Variants in CAST observed in about 807,000 individuals in gnomAD.
The protein encoded by CAST is calpastatin.
Under a neutral mutation model 119.6 loss-of-function variants are expected in CAST, and 76 were observed. That is an observed-to-expected ratio of 0.64 (90% CI 0.53 to 0.77). CAST has a LOEUF of 0.77. Among genes scored for constraint, CAST ranks in the 30% least tolerant of loss-of-function variants. The pLI, the probability that CAST is intolerant of heterozygous loss-of-function variation, is 0.00. For missense variants in CAST, 953 were observed against 946.5 expected, an observed-to-expected ratio of 1.01 and a Z score of -0.09; for synonymous variants, 319 against 331.6, an observed-to-expected ratio of 0.96 and a Z score of 0.41.
the CAST span, among the ~76,000 whole-genome samples, chr5:96,167,931 C>G: frequency 6.6e-6 from 1 of 152,016 alleles, no homozygotes; most frequent in East Asian, 1.9e-4. Context: ...AGTAGAATAG[C>G]AGATGGAACA....
rs139431689 is a variant in CAST at position 96,729,653 on chromosome 5, C to T, written c.477C>T (p.Asn159=). Residue 159 remains asparagine, a synonymous_variant, in exon 8 of 32, where the codon AAC becomes AAT. Transcript: ENST00000675179. The part of the protein sequence containing the change: ...LPKQASDTGS[N]DAHNKKAVSR... The stretch of plus-strand genomic sequence containing the variant: ...AGCAGGCATCAGATACAGGAAGTAA[C>T]GATGCTCACAATAAAAAAGCAGTTT... The T allele has an allele frequency of 2.6e-4, 414 of 1,600,262 alleles. 1 individual carries two copies. The highest frequency in any genetic ancestry group is 8.0e-4 in the Admixed American group (48 of 59,974).
the CAST span, among the ~76,000 whole-genome samples, chr5:96,189,208 T>A: frequency 6.6e-6 from 1 of 152,238 alleles, no homozygotes; most frequent in Non-Finnish European, 1.5e-5. Context: ...TCTTCATCTT[T>A]CTTGGTTTTC....
chr5:96,384,891 A>G, the CAST span, among the ~76,000 whole-genome samples: 40 of 152,340 alleles, frequency 2.6e-4, no homozygotes, highest in Admixed American at 9.2e-4. Flanking sequence ...CAGTGAAAAA[A>G]TGCAAAAAAC....
At chr5:96,401,565 A>C in the CAST span, among the ~76,000 whole-genome samples, 1 of 152,346 alleles carries the variant, frequency 6.6e-6, no homozygotes, top group East Asian at 1.9e-4. Context: ...TAAATCAGAG[A>C]TATAAGGGAT....
chr5:95,962,379 A>AG, the CAST span, among the ~76,000 whole-genome samples: 2 of 152,250 alleles, frequency 1.3e-5, no homozygotes, highest in Non-Finnish European at 2.9e-5. Flanking sequence ...GGGAGGACGC[A>AG]GCAGGAGGAC....
At chr5:96,491,078 G>T in the CAST span, among the ~76,000 whole-genome samples, 17,644 of 151,942 alleles carry the variant, frequency 0.12, 1,227 homozygotes, top group Non-Finnish European at 0.16. Flanking sequence ...AAGAGCAAAA[G>T]AGGCACTTTA....
the CAST span, among the ~76,000 whole-genome samples, chr5:96,306,414 C>CT: frequency 1.3e-5 from 2 of 151,802 alleles, no homozygotes; most frequent in Non-Finnish European, 2.9e-5. Flanking sequence ...GCCTCACTGA[C>CT]TTTTTTTGAA....
chr5:96,617,605 C>T lies in CAST; in HGVS notation c.61-57934C>T, dbSNP rs1335913401. Among the ~76,000 whole-genome samples, 16 of 151,486 alleles carry T rather than the reference C, an allele frequency of 1.1e-4. 1 individual carries two copies. Among genetic ancestry groups the T allele is most frequent in the Admixed American group, 3.3e-4 (5 of 15,236 alleles). On this transcript the variant is annotated intron_variant, in intron 1 of 11. Transcript: ENST00000505143. Reference sequence around the variant, plus strand: ...GAGATCGAGACCATCCTGGCTAACACAGTGAAACCCCGTCTCTACTAAAAA... The same window carrying T: ...GAGATCGAGACCATCCTGGCTAACATAGTGAAACCCCGTCTCTACTAAAAA...
At chr5:96,619,521 C>A (rs73134535) in intron 1 of CAST, among the ~76,000 whole-genome samples, 3 of 152,286 alleles carry the variant, frequency 2.0e-5, no homozygotes, top group Admixed American at 2.0e-4. Flanking sequence ...CCTGCTGGGT[C>A]CTCTTCCACA....
intron 16 of CAST, among the ~76,000 whole-genome samples, chr5:96,746,045 A>T (rs1182411913): frequency 1.3e-5 from 2 of 152,256 alleles, no homozygotes; most frequent in African/African-American, 4.8e-5. Context: ...CACATTTTAC[A>T]GCTGAAGAAA....
the CAST span, among the ~76,000 whole-genome samples, chr5:96,424,633 A>G: frequency 6.6e-6 from 1 of 152,180 alleles, no homozygotes. Flanking sequence ...GTGTTAACTG[A>G]TAAGTCTCTT....
chr5:96,393,455 A>C, the CAST span: 1 of 1,537,354 alleles, frequency 6.5e-7, no homozygotes, highest in Non-Finnish European at 9.0e-7. Flanking sequence ...CAACCCTACC[A>C]CAGGAACGCT....
chr5:96,146,583 A>G, the CAST span, among the ~76,000 whole-genome samples: 1 of 152,224 alleles, frequency 6.6e-6, no homozygotes, highest in East Asian at 1.9e-4. Context: ...TTAAATAGAC[A>G]AAAAAAGGAA....
the CAST span, among the ~76,000 whole-genome samples, chr5:96,323,315 A>G: frequency 1.3e-5 from 2 of 152,192 alleles, no homozygotes; most frequent in Non-Finnish European, 2.9e-5. Context: ...TTCCTAGTTT[A>G]ACAAGTTACA....
At chr5:96,199,755 G>C in the CAST span, among the ~76,000 whole-genome samples, 1 of 152,100 alleles carries the variant, frequency 6.6e-6, no homozygotes, top group Non-Finnish European at 1.5e-5. Context: ...TGAAATCTTA[G>C]CAGAGCAGGG....
the CAST span, among the ~76,000 whole-genome samples, chr5:96,160,371 C>T: frequency 6.6e-6 from 1 of 152,082 alleles, no homozygotes; most frequent in African/African-American, 2.4e-5. Flanking sequence ...AACATGTAGC[C>T]TTATGTCTGA....
chr5:96,445,452 C>A, the CAST span, among the ~76,000 whole-genome samples: 1 of 152,200 alleles, frequency 6.6e-6, no homozygotes, highest in Non-Finnish European at 1.5e-5. Context: ...GAACTGGACT[C>A]ATTGCCCAGA....
chr5:96,418,499 A>T, the CAST span, among the ~76,000 whole-genome samples: 3 of 152,224 alleles, frequency 2.0e-5, no homozygotes, highest in Non-Finnish European at 4.4e-5. Context: ...TGCACTGTTA[A>T]GATTTTATTA....
the CAST span, among the ~76,000 whole-genome samples, chr5:96,285,548 C>T: frequency 6.6e-6 from 1 of 152,234 alleles, no homozygotes; most frequent in Non-Finnish European, 1.5e-5. Context: ...TTCATAAGTC[C>T]TCATATTGGC....
Sources: allele counts gnomAD v4.1 joint callset (sites outside exome capture counted in the v4.1 genomes callset), GRCh38; gene constraint gnomAD v4.1.1; transcripts MANE v1.5; gene names NCBI Gene and HGNC (gene_info 2026-07-23, HGNC 2026-07-21).